The following TRPC1 variants were observed in gnomAD, a reference collection of about 807,000 sequenced individuals.
TRPC1 encodes the protein transient receptor potential cation channel subfamily C member 1, also known as short transient receptor potential channel 1.
A neutral mutation model predicts 88.2 loss-of-function variants in TRPC1; 42 were observed. That is an observed-to-expected ratio of 0.48 (90% CI 0.37 to 0.62). The LOEUF (loss-of-function observed/expected upper bound fraction) is 0.62. Among genes scored for constraint, TRPC1 ranks in the 20% least tolerant of loss-of-function variants. TRPC1 has a pLI of 0.00. For synonymous variants in TRPC1, 288 were observed against 331.8 expected (o/e 0.87, Z 1.43); for missense variants, 699 against 957.3 (o/e 0.73, Z 3.56).
At chr3:142,764,035 A>G (rs984171919) in intron 4 of TRPC1, among the ~76,000 whole-genome samples, 7 of 135,944 alleles carry the variant, frequency 5.1e-5, no homozygotes, top group Admixed American at 1.5e-4. Flanking sequence ...TTTTAAAGAG[A>G]TGACACTTAT....
At chr3:142,745,446 C>A (rs1341321331) in intron 3 of TRPC1, among the ~76,000 whole-genome samples, 1 of 152,120 alleles carries the variant, frequency 6.6e-6, no homozygotes, top group Admixed American at 6.5e-5. Flanking sequence ...GAGTTCAAGA[C>A]TAGCCTGACC....
chr3:142,768,758 GAT>G (rs985873520), intron 4 of TRPC1, among the ~76,000 whole-genome samples: 1 of 151,832 alleles, frequency 6.6e-6, no homozygotes, highest in Non-Finnish European at 1.5e-5. Context: ...TTCTTTTAGA[GAT>G]AATAGTATTT....
Position 142,724,873 on chromosome 3 carries a change from C to T in TRPC1, c.172+142C>T. On this transcript the variant is annotated intron_variant, in intron 1 of 12. Transcript: ENST00000476941. The surrounding 1 kb of genome is among the most constrained non-coding windows in gnomAD (Gnocchi z 5.6). ...CGCCTCGCCTGCTGCCTCAGGCGGTCTTCTCCTCACCGCCTCTGCCCTGTG... is the reference window on the plus strand; with the variant it reads ...CGCCTCGCCTGCTGCCTCAGGCGGTTTTCTCCTCACCGCCTCTGCCCTGTG... 1 of 970,600 alleles carries T rather than the reference C, an allele frequency of 1.0e-6. No homozygotes were observed. The highest frequency in any genetic ancestry group is 1.4e-6 in the Non-Finnish European group (1 of 704,174). 60.1% of individuals were successfully genotyped at this position (970,600 alleles called of 1,614,324 possible). A position where few individuals can be genotyped will look rare whatever the true frequency, so the allele number is the denominator to read the frequency against.
chr3:142,724,724 C>T lies in TRPC1; in HGVS notation c.165C>T (p.Cys55=). Residue 55 remains cysteine (C), a synonymous_variant, in exon 1 of 13, where the codon TGC becomes TGT. Transcript: ENST00000476941. The surrounding 1 kb of genome is among the most constrained non-coding windows in gnomAD (Gnocchi z 5.6). ...TLNEKLFLLA[C]DKGDYYMVKK... ...ATGAGAAGCTTTTCTTGCTGGCGTG[C>T]GACAAGGGTGAGAGTTAGGCCCCTT... 6.3e-7 allele frequency: 1 copy of T among 1,583,854 alleles called. No homozygotes were observed. Among genetic ancestry groups the T allele is most frequent in the Non-Finnish European group, 8.6e-7 (1 of 1,161,736 alleles).
chr3:142,750,823 C>T (rs1438370859), intron 4 of TRPC1, among the ~76,000 whole-genome samples: 1 of 152,166 alleles, frequency 6.6e-6, no homozygotes, highest in African/African-American at 2.4e-5. Context: ...GAATGAAAAA[C>T]CAAACACTGC....
chr3:142,756,224 G>T (rs983285772), intron 4 of TRPC1, among the ~76,000 whole-genome samples: 2 of 152,032 alleles, frequency 1.3e-5, no homozygotes, highest in Non-Finnish European at 2.9e-5. Context: ...GTCTTTGTGC[G>T]GACATGTTTT....
At position 142,806,465 on chromosome 3, in the gene TRPC1, T is replaced by C. The variant is rs144135829; in HGVS notation, c.*230T>C. Reference sequence around the variant, plus strand: ...GCAGAAGCAAAACAGATTAAGTAGATAGATTTTGTTAGCATGCTGCTTGGT... The same window carrying C: ...GCAGAAGCAAAACAGATTAAGTAGACAGATTTTGTTAGCATGCTGCTTGGT... On this transcript the variant is annotated 3_prime_UTR_variant, in exon 13 of 13. Coordinates refer to ENST00000476941, the MANE Select transcript of TRPC1 (RefSeq NM_001251845.2). 12 of 309,696 alleles carry C rather than the reference T, an allele frequency of 3.9e-5. No individual in the cohort carries two copies. The South Asian group carries it at 4.6e-4, about 12-fold the overall frequency. The allele number at this position is 309,696 out of a possible 1,614,324, so 19.2% of individuals were successfully genotyped here. A position where few individuals can be genotyped will look rare whatever the true frequency, so the allele number is the denominator to read the frequency against.
intron 4 of TRPC1, among the ~76,000 whole-genome samples, chr3:142,771,722 A>G (rs1320170985): frequency 6.6e-6 from 1 of 152,188 alleles, no homozygotes; most frequent in East Asian, 1.9e-4. Flanking sequence ...GTAAATAGAA[A>G]TATATTACAT....
chr3:142,778,216 T>C (rs898881512), intron 5 of TRPC1, among the ~76,000 whole-genome samples: 4 of 152,184 alleles, frequency 2.6e-5, no homozygotes, highest in Non-Finnish European at 5.9e-5. Context: ...CACACAGACA[T>C]AGTCCCTTTT....
chr3:142,805,125 TATATACACACACAC>T (rs1470147930), intron 12 of TRPC1, among the ~76,000 whole-genome samples: 141 of 123,780 alleles, frequency 1.1e-3, no homozygotes, highest in African/African-American at 4.5e-3. Flanking sequence ...AACAAATATA[TATATACACACACAC>T]ACACACACAC....
rs1260941855 is a variant in TRPC1, at chr3:142,776,489, G to T, written c.633-1143G>T. On this transcript the variant is annotated intron_variant, in intron 4 of 12. Transcript: ENST00000476941. The surrounding 1 kb of genome is among the most constrained non-coding windows in gnomAD (Gnocchi z 4.1). The stretch of plus-strand genomic sequence containing the variant: ...AATATTAATTTATAGATGGCAAAGG[G>T]AGTGCTTTTTTACATTACAGACTGT... 6.6e-6 allele frequency among the ~76,000 whole-genome samples: 1 copy of T among 152,038 alleles called. No homozygotes were observed. Among genetic ancestry groups the T allele is most frequent in the Non-Finnish European group, 1.5e-5 (1 of 68,004 alleles).
intron 4 of TRPC1, among the ~76,000 whole-genome samples, chr3:142,751,554 T>C (rs1271088399): frequency 1.3e-5 from 2 of 152,194 alleles, no homozygotes; most frequent in African/African-American, 2.4e-5. Context: ...AATATATTCC[T>C]GTTACACAAT....
chr3:142,773,424 G>T (rs1248304413), intron 4 of TRPC1, among the ~76,000 whole-genome samples: 1 of 151,762 alleles, frequency 6.6e-6, no homozygotes, highest in African/African-American at 2.4e-5. Context: ...AGTACTAAAA[G>T]GACAGCATGA....
At chr3:142,779,492 C>T (rs181422018) in intron 5 of TRPC1, among the ~76,000 whole-genome samples, 1 of 152,294 alleles carries the variant, frequency 6.6e-6, no homozygotes, top group East Asian at 1.9e-4. Context: ...TTCTGATAAA[C>T]ATTCCAGTCT....
At position 142,736,467 on chromosome 3, in the gene TRPC1, T is replaced by C; in HGVS notation, c.261T>C (p.Ala87=). ...INCVDVLGRN[A]VTITIENENL... is the part of the protein sequence containing the mutation. The stretch of plus-strand genomic sequence containing the variant: ...GCGTAGATGTGCTTGGGAGAAATGC[T>C]GTTACCATAACTATTGAAAACGAAA... Residue 87 remains alanine, a synonymous_variant, in exon 2 of 13, where the codon GCT becomes GCC. Transcript: ENST00000476941. The C allele has an allele frequency of 6.2e-7, 1 of 1,612,916 alleles. No homozygotes were observed. Among genetic ancestry groups the C allele is most frequent in the Non-Finnish European group, 8.5e-7 (1 of 1,179,544 alleles).
At chr3:142,805,161 CACACACACAT>C (rs1578018073) in intron 12 of TRPC1, among the ~76,000 whole-genome samples, 1 of 148,292 alleles carries the variant, frequency 6.7e-6, no homozygotes, top group African/African-American at 2.6e-5. Context: ...CACACACACA[CACACACACAT>C]ATAATTATTA....
At chr3:142,729,609 T>C (rs1021894417) in intron 1 of TRPC1, among the ~76,000 whole-genome samples, 8 of 152,158 alleles carry the variant, frequency 5.3e-5, no homozygotes, top group Non-Finnish European at 1.2e-4. Flanking sequence ...ACCTTGTATA[T>C]AGACTTGGAG....
At chr3:142,726,729 T>C (rs1933687844) in intron 1 of TRPC1, among the ~76,000 whole-genome samples, 1 of 152,216 alleles carries the variant, frequency 6.6e-6, no homozygotes, top group African/African-American at 2.4e-5. Context: ...TGTTAGACTT[T>C]TTAAAATGTT....
intron 4 of TRPC1, among the ~76,000 whole-genome samples, chr3:142,763,959 A>AATATATATTTAT (rs1472585069): frequency 1.3e-5 from 1 of 76,316 alleles, no homozygotes; most frequent in African/African-American, 6.5e-5. Flanking sequence ...AAAAAAAAGA[A>AATATATATTTAT]ATATATATAT....
Sources: gnomAD v4.1 joint callset for allele counts (sites outside exome capture counted in the v4.1 genomes callset) on GRCh38, gnomAD v4.1.1 for gene constraint, Gnocchi (gnomAD v3.1) non-coding constraint, MANE v1.5 for transcripts, NCBI Gene and HGNC (gene_info 2026-07-23, HGNC 2026-07-21) for gene names.